PDGFD: variants seen among roughly 807,000 people sequenced by gnomAD.
PDGFD encodes the protein platelet-derived growth factor D.
A neutral mutation model predicts 44.7 loss-of-function variants in PDGFD; 30 were observed. That is an observed-to-expected ratio of 0.67 (90% CI 0.50 to 0.91). The LOEUF (loss-of-function observed/expected upper bound fraction) is 0.91, where lower values mean the gene tolerates loss of function less well. Ranked by LOEUF, PDGFD falls within the 40% of genes least tolerant of loss-of-function variation. The pLI is 0.00. For missense variants in PDGFD, 445 were observed against 457.8 expected (o/e 0.97, Z 0.25); for synonymous variants, 173 against 168.4 (o/e 1.03, Z -0.21).
In PDGFD at chr11:103,927,177, T is replaced by G. The variant is rs969223024; in HGVS notation, c.773-51A>C. 8.7e-6 allele frequency: 13 copies of G among 1,501,988 alleles called. No homozygotes were observed. In the African/African-American group the frequency reaches 1.2e-4, roughly 14 times the overall value. 93.0% of individuals were successfully genotyped at this position (1,501,988 alleles called of 1,614,324 possible). On this transcript the variant is annotated intron_variant, in intron 5 of 6. Coordinates refer to ENST00000393158, the MANE Select transcript of PDGFD (RefSeq NM_025208.5). Reference sequence around the variant, plus strand: ...AAGCAAACACAACAGTAAGCACAATTGCTCAGCATGTGTTTTGGGGAATAG... The same window carrying G: ...AAGCAAACACAACAGTAAGCACAATGGCTCAGCATGTGTTTTGGGGAATAG...
chr11:103,917,914 G>C (rs1858153152), intron 6 of PDGFD, among the ~76,000 whole-genome samples: 1 of 152,146 alleles, frequency 6.6e-6, no homozygotes, highest in African/African-American at 2.4e-5. Flanking sequence ...GGAGTCCCCT[G>C]CACTCATGCA....
chr11:104,121,659 AAT>A (rs1861780480), intron 1 of PDGFD, among the ~76,000 whole-genome samples: 1 of 152,094 alleles, frequency 6.6e-6, no homozygotes. Context: ...AATTGTGTAA[AAT>A]GTGTGTACAC....
intron 1 of PDGFD, among the ~76,000 whole-genome samples, chr11:104,089,746 C>G (rs374001626): frequency 1.3e-5 from 2 of 152,222 alleles, no homozygotes; most frequent in East Asian, 3.9e-4. Context: ...CAAGATGCAG[C>G]CTTCTTAACA....
intron 1 of PDGFD, among the ~76,000 whole-genome samples, chr11:104,018,542 G>C (rs929360953): frequency 6.6e-6 from 1 of 152,150 alleles, no homozygotes; most frequent in Non-Finnish European, 1.5e-5. Context: ...ATGTGATCTT[G>C]TTAGATTGCT....
In PDGFD at chr11:104,018,556, G is replaced by A. The variant is rs115073725; in HGVS notation, c.125-18301C>T. 6.3e-3 allele frequency among the ~76,000 whole-genome samples: 954 copies of A among 152,294 alleles called. 15 individuals are homozygous for A. Among genetic ancestry groups the A allele is most frequent in the African/African-American group, 0.022 (897 of 41,558 alleles). ...CATGTGATCTTGTTAGATTGCTTCT[G>A]TATAGGAAGATGTCTTTTGGGGAAT... On this transcript the variant is annotated intron_variant, in intron 1 of 6. Transcript: ENST00000393158.
chr11:103,911,744 T>G (rs1858031765), intron 6 of PDGFD, among the ~76,000 whole-genome samples: 1 of 151,992 alleles, frequency 6.6e-6, no homozygotes, highest in Non-Finnish European at 1.5e-5. Flanking sequence ...AAAGGTTAGA[T>G]GAATTGCTAA....
chr11:104,044,986 C>A (rs1046636130), intron 1 of PDGFD, among the ~76,000 whole-genome samples: 1 of 152,040 alleles, frequency 6.6e-6, no homozygotes, highest in African/African-American at 2.4e-5. Flanking sequence ...TGCAGTGAGC[C>A]GAGATCGCAC....
At chr11:104,043,344 T>C (rs992592224) in intron 1 of PDGFD, among the ~76,000 whole-genome samples, 4 of 152,186 alleles carry the variant, frequency 2.6e-5, no homozygotes, top group Admixed American at 2.6e-4. Flanking sequence ...CTCCCAGGCA[T>C]ATCTGAGGAT....
At chr11:104,153,128 C>T (rs562302023) in intron 1 of PDGFD, among the ~76,000 whole-genome samples, 15 of 152,088 alleles carry the variant, frequency 9.9e-5, no homozygotes, top group Non-Finnish European at 1.0e-4. Context: ...TCCTGTGTTA[C>T]TTCCTATCTT....
rs946100076 is a variant in PDGFD, at chr11:103,908,635, G to A, written c.*1059C>T. On this transcript the variant is annotated 3_prime_UTR_variant, in exon 7 of 7. Transcript: ENST00000393158. ...TCCATGTCTATATTTCAAAAAGACGGGAACACAAAAGCAAGATACATTAAA... is the reference window on the plus strand; with the variant it reads ...TCCATGTCTATATTTCAAAAAGACGAGAACACAAAAGCAAGATACATTAAA... 6.6e-6 allele frequency: 1 copy of A among 152,152 alleles called. No individual in the cohort carries two copies. Among genetic ancestry groups the A allele is most frequent in the Non-Finnish European group, 1.5e-5 (1 of 68,010 alleles). The allele number at this position is 152,152 out of a possible 1,614,324, so 9.4% of individuals were successfully genotyped here. A position where few individuals can be genotyped will look rare whatever the true frequency, so the allele number is the denominator to read the frequency against.
rs74897866 is a variant in PDGFD, at chr11:103,966,655, A to G, written c.511-18931T>C. 8.6e-3 allele frequency among the ~76,000 whole-genome samples: 1,306 copies of G among 152,264 alleles called. 17 individuals carry two copies. Among genetic ancestry groups the G allele is most frequent in the African/African-American group, 0.029 (1,225 of 41,560 alleles). On this transcript the variant is annotated intron_variant, in intron 3 of 6. Coordinates refer to ENST00000393158, the MANE Select transcript of PDGFD (RefSeq NM_025208.5). The stretch of plus-strand genomic sequence containing the variant: ...GGAGCTGTTTTAGCCTGGACTCCAT[A>G]TTCTCTTCAAAAATAAAAAGGAAAC...
chr11:104,019,718 A>G (rs260849), intron 1 of PDGFD, among the ~76,000 whole-genome samples: 30,644 of 152,048 alleles, frequency 0.2, 3,452 homozygotes, highest in African/African-American at 0.3. Flanking sequence ...ATTATCATGT[A>G]TAATTATTAG....
chr11:104,073,808 G>C (rs549429384), intron 1 of PDGFD, among the ~76,000 whole-genome samples: 4 of 152,174 alleles, frequency 2.6e-5, no homozygotes, highest in African/African-American at 9.6e-5. Flanking sequence ...TTACATTGCT[G>C]AGGACTGCAT....
intron 1 of PDGFD, among the ~76,000 whole-genome samples, chr11:104,034,152 C>T (rs1398709922): frequency 1.3e-5 from 2 of 152,146 alleles, no homozygotes; most frequent in African/African-American, 4.8e-5. Flanking sequence ...CCATCTTCTT[C>T]ATCTCTTCTT....
intron 1 of PDGFD, among the ~76,000 whole-genome samples, chr11:104,132,044 G>A (rs1243711047): frequency 6.6e-6 from 1 of 151,604 alleles, no homozygotes; most frequent in African/African-American, 2.4e-5. Flanking sequence ...TGAGATTTAC[G>A]TACCTTCTGA....
intron 1 of PDGFD, among the ~76,000 whole-genome samples, chr11:104,083,893 T>C (rs1162770331): frequency 6.6e-6 from 1 of 152,210 alleles, no homozygotes; most frequent in African/African-American, 2.4e-5. Flanking sequence ...GAATATCACA[T>C]TATAAACAAT....
chr11:104,075,927 G>A (rs903395263), intron 1 of PDGFD, among the ~76,000 whole-genome samples: 1 of 152,088 alleles, frequency 6.6e-6, no homozygotes, highest in Admixed American at 6.6e-5. Context: ...TATCTGATAC[G>A]GTTAGGCTTT....
At chr11:104,117,703 AC>A (rs1248315185) in intron 1 of PDGFD, among the ~76,000 whole-genome samples, 1 of 152,036 alleles carries the variant, frequency 6.6e-6, no homozygotes, top group African/African-American at 2.4e-5. Context: ...TACAAGGAAA[AC>A]CACAAAACAC....
chr11:104,054,490 G>A (rs1191421529), intron 1 of PDGFD, among the ~76,000 whole-genome samples: 3 of 152,136 alleles, frequency 2.0e-5, no homozygotes, highest in African/African-American at 7.2e-5. Context: ...TGGGAAATGG[G>A]TAAGAAATGT....
Sources: allele counts gnomAD v4.1 joint callset (sites outside exome capture counted in the v4.1 genomes callset), GRCh38; gene constraint gnomAD v4.1.1; transcripts MANE v1.5; gene names NCBI Gene and HGNC (gene_info 2026-07-23, HGNC 2026-07-21).